SMYD3: variants seen among roughly 807,000 people sequenced by gnomAD.
The protein encoded by SMYD3 is SET and MYND domain containing 3.
SMYD3 carries 36 observed loss-of-function variants against 57.7 expected under a neutral mutation model. The observed-to-expected ratio is 0.62, with a 90% CI of 0.48 to 0.82. The LOEUF is 0.82. Among genes scored for constraint, SMYD3 ranks in the 40% least tolerant of loss-of-function variants. The pLI, the probability that SMYD3 is intolerant of heterozygous loss-of-function variation, is 0.00. For synonymous variants in SMYD3, 211 were observed against 195.0 expected, an observed-to-expected ratio of 1.08 and a Z score of -0.68; for missense variants, 515 against 538.8, an observed-to-expected ratio of 0.96 and a Z score of 0.44.
At chr1:246,396,984 A>G (rs2066683874) in intron 1 of SMYD3, among the ~76,000 whole-genome samples, 1 of 152,258 alleles carries the variant, frequency 6.6e-6, no homozygotes, top group South Asian at 2.1e-4. Context: ...GGCTGAAGAT[A>G]CTAAAGGAGT....
chr1:245,909,076 GA>G (rs2148636802), intron 8 of SMYD3, among the ~76,000 whole-genome samples: 1 of 152,108 alleles, frequency 6.6e-6, no homozygotes, highest in South Asian at 2.1e-4. Context: ...GCTAGACTAA[GA>G]AAGAAAAAGA....
rs144648314 is a variant in SMYD3, at chr1:246,088,685, G to A, written c.532-158748C>T. Among the ~76,000 whole-genome samples the A allele has an allele frequency of 1.7e-3, 253 of 152,220 alleles. 1 individual carries two copies. Among genetic ancestry groups the A allele is most frequent in the African/African-American group, 5.8e-3 (240 of 41,508 alleles). ...AACTAAAATTTTATTTTATCCTAGA[G>A]GTAAGTCTGAGGACATTGATTAGTG... On this transcript the variant is annotated intron_variant, in intron 5 of 11. Transcript: ENST00000490107.
chr1:245,879,310 A>C (rs1221803510), intron 8 of SMYD3, among the ~76,000 whole-genome samples: 1 of 152,246 alleles, frequency 6.6e-6, no homozygotes, highest in Non-Finnish European at 1.5e-5. Context: ...TAAGGGCTAA[A>C]TGAGATAATA....
At chr1:246,051,281 C>T (rs534398253) in intron 5 of SMYD3, among the ~76,000 whole-genome samples, 7 of 152,052 alleles carry the variant, frequency 4.6e-5, no homozygotes, top group Admixed American at 2.0e-4. Flanking sequence ...CCACTATACC[C>T]AGCTAATTTT....
intron 1 of SMYD3, among the ~76,000 whole-genome samples, chr1:246,435,965 G>A (rs577545257): frequency 2.0e-5 from 3 of 152,178 alleles, no homozygotes; most frequent in East Asian, 1.9e-4. Flanking sequence ...TTTGTATCAC[G>A]GGTTCCAGCA....
chr1:246,506,147 C>A (rs995082880), intron 1 of SMYD3, among the ~76,000 whole-genome samples: 1 of 152,208 alleles, frequency 6.6e-6, no homozygotes, highest in Non-Finnish European at 1.5e-5. Flanking sequence ...AGCGGCCATG[C>A]ACAAAATCAT....
intron 1 of SMYD3, among the ~76,000 whole-genome samples, chr1:246,385,928 G>T (rs998831117): frequency 6.6e-6 from 1 of 150,764 alleles, no homozygotes; most frequent in African/African-American, 2.4e-5. Context: ...CCACTCTTTC[G>T]CCCAGGCTGG....
At chr1:245,866,406 TGGAGGAG>T (rs923007031) in intron 8 of SMYD3, among the ~76,000 whole-genome samples, 1 of 151,582 alleles carries the variant, frequency 6.6e-6, no homozygotes, top group Non-Finnish European at 1.5e-5. Context: ...TTTCTGTACA[TGGAGGAG>T]GGAGGAGATA....
chr1:246,305,825 T>C (rs1345763231), intron 5 of SMYD3: 1 of 152,228 alleles, frequency 6.6e-6, no homozygotes, highest in Non-Finnish European at 1.5e-5. Context: ...TAAATGAGTA[T>C]GATATTTAAC....
At chr1:245,826,154 C>T (rs1430245630) in intron 10 of SMYD3, among the ~76,000 whole-genome samples, 1 of 151,564 alleles carries the variant, frequency 6.6e-6, no homozygotes, top group African/African-American at 2.4e-5. Flanking sequence ...TCATCCAGAA[C>T]TTTTTCATCT....
At chr1:245,926,870 A>G (rs1177104001) in intron 7 of SMYD3, among the ~76,000 whole-genome samples, 2 of 152,322 alleles carry the variant, frequency 1.3e-5, no homozygotes, top group African/African-American at 2.4e-5. Flanking sequence ...CAGAAAAAAA[A>G]GAGAAAAAAC....
chr1:246,467,408 C>G (rs915288833), intron 1 of SMYD3, among the ~76,000 whole-genome samples: 1 of 151,688 alleles, frequency 6.6e-6, no homozygotes, highest in Non-Finnish European at 1.5e-5. Flanking sequence ...TACAAAAGAT[C>G]AATGAAACAA....
intron 1 of SMYD3, among the ~76,000 whole-genome samples, chr1:246,391,120 T>G (rs889038646): frequency 2.0e-5 from 3 of 151,070 alleles, no homozygotes; most frequent in African/African-American, 7.3e-5. Context: ...GTGCGATGGC[T>G]CATGTCTATA....
At chr1:246,341,698 ATTTC>A (rs2065635729) in intron 2 of SMYD3, among the ~76,000 whole-genome samples, 1 of 152,326 alleles carries the variant, frequency 6.6e-6, no homozygotes, top group South Asian at 2.1e-4. Flanking sequence ...AAATCAATTT[ATTTC>A]TTTCTTACGC....
At chr1:246,038,997 A>C (rs1572928541) in intron 5 of SMYD3, among the ~76,000 whole-genome samples, 1 of 152,218 alleles carries the variant, frequency 6.6e-6, no homozygotes, top group African/African-American at 2.4e-5. Context: ...ACAAATAAAC[A>C]AAAATTGGCC....
chr1:246,265,948 C>T (rs573151925), intron 5 of SMYD3, among the ~76,000 whole-genome samples: 38 of 152,186 alleles, frequency 2.5e-4, no homozygotes, highest in Non-Finnish European at 4.9e-4. Flanking sequence ...TAGCTAATCT[C>T]TCATGAATGT....
At chr1:246,326,359 G>A (rs1279476178) in intron 5 of SMYD3, 11 of 698,562 alleles carry the variant, frequency 1.6e-5, no homozygotes, top group Non-Finnish European at 2.6e-5. Context: ...CCTATCCCAG[G>A]GTAAATATCA....
intron 8 of SMYD3, among the ~76,000 whole-genome samples, chr1:245,878,940 C>T (rs1483129234): frequency 6.6e-6 from 1 of 152,136 alleles, no homozygotes; most frequent in Non-Finnish European, 1.5e-5. Context: ...AGAGTAATGC[C>T]CCTTTTCTCC....
intron 11 of SMYD3, among the ~76,000 whole-genome samples, chr1:245,755,854 T>G (rs556615295): frequency 6.6e-6 from 1 of 152,136 alleles, no homozygotes; most frequent in Non-Finnish European, 1.5e-5. Context: ...ATCTCTGTCT[T>G]TTAATTGGTA....
Sources: gnomAD v4.1 joint callset for allele counts (sites outside exome capture counted in the v4.1 genomes callset) on GRCh38, gnomAD v4.1.1 for gene constraint, MANE v1.5 for transcripts, NCBI Gene and HGNC (gene_info 2026-07-23, HGNC 2026-07-21) for gene names.